TRDN: variants seen among roughly 807,000 people sequenced by gnomAD.
The protein encoded by TRDN is triadin in skeletal muscle.
TRDN carries 161 observed loss-of-function variants against 149.7 expected under a neutral mutation model. That is an observed-to-expected ratio of 1.08 (90% confidence interval 0.95 to 1.23). TRDN has a LOEUF of 1.23. TRDN is among the 50% of genes most tolerant of loss of function. TRDN has a pLI of 0.00. For synonymous variants in TRDN, 294 were observed against 250.5 expected (o/e 1.17, Z -1.64); for missense variants, 896 against 823.5 (o/e 1.09, Z -1.08).
intron 12 of TRDN, among the ~76,000 whole-genome samples, chr6:123,426,643 A>G (rs1329686628): frequency 6.6e-6 from 1 of 152,126 alleles, no homozygotes; most frequent in East Asian, 1.9e-4. Context: ...TCAGCATGGT[A>G]TCTTTCAAGG....
chr6:123,484,380 A>G lies in TRDN; in HGVS notation c.853+12813T>C, dbSNP rs1283174263. On this transcript the variant is annotated intron_variant, in intron 9 of 40. Coordinates refer to ENST00000334268, the MANE Select transcript of TRDN (RefSeq NM_006073.4). ...AAATAAACCTTAGAACAGCACTGGA[A>G]GAATATATTCATGTAATTTTCTAGA... Among the ~76,000 whole-genome samples, 3 of 152,208 alleles carry G rather than the reference A, an allele frequency of 2.0e-5. No homozygotes were observed. In the East Asian group the frequency reaches 5.8e-4, roughly 29 times the overall value.
chr6:123,614,751 G>A (rs1161974358), intron 1 of TRDN, among the ~76,000 whole-genome samples: 1 of 151,868 alleles, frequency 6.6e-6, no homozygotes, highest in African/African-American at 2.4e-5. Flanking sequence ...AACATTTTAT[G>A]GAAAAGACCA....
chr6:123,384,849 AC>A (rs1397794574), intron 14 of TRDN, among the ~76,000 whole-genome samples: 1 of 152,162 alleles, frequency 6.6e-6, no homozygotes, highest in Non-Finnish European at 1.5e-5. Flanking sequence ...TCACATACTG[AC>A]CCTGAAGAGC....
chr6:123,391,217 T>C (rs578260461), intron 13 of TRDN, among the ~76,000 whole-genome samples: 1 of 152,260 alleles, frequency 6.6e-6, no homozygotes, highest in South Asian at 2.1e-4. Flanking sequence ...ATTATTTTAC[T>C]TTTGCTCAAC....
chr6:123,383,529 A>G (rs1447339653), intron 14 of TRDN, among the ~76,000 whole-genome samples: 3 of 152,048 alleles, frequency 2.0e-5, no homozygotes, highest in Non-Finnish European at 4.4e-5. Flanking sequence ...ATTAAACACT[A>G]CCCTCTGAAC....
rs1554230319 is a variant in TRDN, at chr6:123,381,953, G to GGC, written c.1165+163_1165+164dup. Among the ~76,000 whole-genome samples, 9 of 124,904 alleles carry GGC rather than the reference G, an allele frequency of 7.2e-5. No individual in the cohort carries two copies. The South Asian group carries it at 1.0e-3, about 14-fold the overall frequency. The allele number at this position is 124,904 out of a possible 152,430, so 81.9% of individuals were successfully genotyped here. A position where few individuals can be genotyped will look rare whatever the true frequency, so the allele number is the denominator to read the frequency against. ...ATAGCAGTATTGTCAGAATAGATTT[G>GGC]GCGCTCTCTCTCTCTCTCTCTCTCT... On this transcript the variant is annotated intron_variant, in intron 15 of 40. Coordinates refer to ENST00000334268, the MANE Select transcript of TRDN (RefSeq NM_006073.4).
At chr6:123,605,433 G>A (rs548617192) in intron 1 of TRDN, among the ~76,000 whole-genome samples, 1 of 151,788 alleles carries the variant, frequency 6.6e-6, no homozygotes, top group South Asian at 2.1e-4. Context: ...TAACACATCA[G>A]ATGTGTAAGA....
In TRDN at chr6:123,483,216, C is replaced by A. The variant is rs929435334; in HGVS notation, c.853+13977G>T. ...CTCCCAGGTTCACGCCATTCTCCTG[C>A]CTCAGCCTTCCTAGTAGCTGGGACT... On this transcript the variant is annotated intron_variant, in intron 9 of 40. Transcript: ENST00000334268. 5.3e-5 allele frequency among the ~76,000 whole-genome samples: 8 copies of A among 151,224 alleles called. 1 individual carries two copies. The South Asian group carries it at 1.7e-3, about 31-fold the overall frequency.
intron 10 of TRDN, among the ~76,000 whole-genome samples, chr6:123,448,527 C>T (rs550425086): frequency 4.6e-5 from 7 of 152,182 alleles, no homozygotes; most frequent in South Asian, 4.2e-4. Flanking sequence ...CCTACTTACA[C>T]AACTCCAGTG....
At position 123,254,079 on chromosome 6, in the gene TRDN, C is replaced by T. The variant is rs79077330; in HGVS notation, c.1951+1002G>A. 8.3e-3 allele frequency among the ~76,000 whole-genome samples: 1,266 copies of T among 152,034 alleles called. 27 individuals carry two copies. The highest frequency in any genetic ancestry group is 0.08 in the East Asian group (413 of 5,170). On this transcript the variant is annotated intron_variant, in intron 37 of 40. Coordinates refer to ENST00000334268, the MANE Select transcript of TRDN (RefSeq NM_006073.4). ...TTTAAACTGGGCATGATAATTGGGC[C>T]TTACTAAGAATCAAGTAAACAATAG...
In TRDN at chr6:123,574,890, A is replaced by ATATG. The variant is rs1782769424; in HGVS notation, c.23-3759_23-3758insCATA. Reference sequence around the variant, plus strand: ...TATATATATATATATATATATATATATATACACACATTTTCCTTTCTTTGA... The same window carrying ATATG: ...TATATATATATATATATATATATATATATGTATACACACATTTTCCTTTCTTTGA... On this transcript the variant is annotated intron_variant, in intron 1 of 40. Coordinates refer to ENST00000334268, the MANE Select transcript of TRDN (RefSeq NM_006073.4). Among the ~76,000 whole-genome samples, 6 of 96,402 alleles carry ATATG rather than the reference A, an allele frequency of 6.2e-5. No homozygotes were observed. The South Asian group carries it at 1.9e-3, about 30-fold the overall frequency. 63.2% of individuals were successfully genotyped at this position (96,402 alleles called of 152,430 possible).
At chr6:123,352,643 T>G (rs1780511693) in intron 20 of TRDN, 57 bp from the exon 21 acceptor site, 4 of 1,555,902 alleles carry the variant, frequency 2.6e-6, no homozygotes, top group Non-Finnish European at 3.5e-6. Context: ...CTGCTTCTGC[T>G]CAAAAAAAGC....
At chr6:123,570,678 C>A (rs919826371) in intron 2 of TRDN, among the ~76,000 whole-genome samples, 7 of 152,026 alleles carry the variant, frequency 4.6e-5, no homozygotes, top group South Asian at 2.1e-4. Context: ...AACATTCAGG[C>A]TTTGTTCAGC....
At chr6:123,547,490 T>C (rs1225642087) in intron 3 of TRDN, 118 bp from the exon 4 acceptor site, 8 of 563,516 alleles carry the variant, frequency 1.4e-5, no homozygotes, top group Non-Finnish European at 2.0e-5. Flanking sequence ...ACAATCATAG[T>C]CTTTACATTA....
intron 19 of TRDN, among the ~76,000 whole-genome samples, chr6:123,367,092 C>G (rs1330056662): frequency 1.3e-5 from 2 of 152,030 alleles, no homozygotes; most frequent in African/African-American, 4.8e-5. Flanking sequence ...GAGTGGAAGA[C>G]AGGAGAGCTG....
intron 10 of TRDN, among the ~76,000 whole-genome samples, chr6:123,441,575 C>T (rs746871668): frequency 6.6e-6 from 1 of 152,130 alleles, no homozygotes; most frequent in African/African-American, 2.4e-5. Flanking sequence ...CAATGAGCAG[C>T]TCTGAGCCAC....
intron 1 of TRDN, among the ~76,000 whole-genome samples, chr6:123,601,550 C>T (rs887639215): frequency 2.0e-5 from 3 of 152,080 alleles, no homozygotes; most frequent in Admixed American, 6.6e-5. Flanking sequence ...CTCCACATGC[C>T]CCATTGGTGC....
intron 7 of TRDN, among the ~76,000 whole-genome samples, chr6:123,504,176 C>T (rs1330042344): frequency 6.6e-6 from 1 of 151,854 alleles, no homozygotes; most frequent in Non-Finnish European, 1.5e-5. Context: ...CATGAAAACA[C>T]TATTTTTTAA....
chr6:123,562,096 C>A (rs945097458), intron 2 of TRDN, among the ~76,000 whole-genome samples: 2 of 152,134 alleles, frequency 1.3e-5, no homozygotes, highest in African/African-American at 4.8e-5. Flanking sequence ...TTGTGAAATT[C>A]CTTCTCCTGG....
Sources: allele counts gnomAD v4.1 joint callset (sites outside exome capture counted in the v4.1 genomes callset), GRCh38; gene constraint gnomAD v4.1.1; transcripts MANE v1.5; gene names NCBI Gene and HGNC (gene_info 2026-07-23, HGNC 2026-07-21).